The following DLC1 variants were observed in gnomAD, a reference collection of about 807,000 sequenced individuals.
The protein encoded by DLC1 is DLC1 Rho GTPase activating protein, also known as rho GTPase-activating protein 7.
Under a neutral mutation model 140.3 loss-of-function variants are expected in DLC1, and 54 were observed. The ratio of observed to expected loss-of-function variants is 0.38; its 90% CI spans 0.31 to 0.48. DLC1 has a LOEUF of 0.48. Ranked by LOEUF, DLC1 falls within the 20% of genes least tolerant of loss-of-function variation. The pLI is 0.96. For synonymous variants in DLC1, 986 were observed against 728.1 expected (o/e 1.35, Z -5.70); for missense variants, 2,536 against 1,907.0 (o/e 1.33, Z -6.14).
At chr8:13,585,590 G>A (rs1805275451) in intron 1 of DLC1, among the ~76,000 whole-genome samples, 1 of 152,154 alleles carries the variant, frequency 6.6e-6, no homozygotes, top group African/African-American at 2.4e-5. Context: ...TTGTCTCTGA[G>A]TTCCGAAGGC....
chr8:13,343,562 A>C (rs775721277), intron 4 of DLC1, among the ~76,000 whole-genome samples: 1 of 152,190 alleles, frequency 6.6e-6, no homozygotes, highest in Non-Finnish European at 1.5e-5. Flanking sequence ...TATGATTTTT[A>C]AACATGTTTG....
chr8:13,604,541 T>A (rs1325270537), exon 1 of DLC1: 1 of 152,192 alleles, frequency 6.6e-6, no homozygotes, highest in Non-Finnish European at 1.5e-5. Context: ...TTTTACCTGG[T>A]TAATCACATG....
chr8:13,596,818 A>G (rs1314779458), intron 1 of DLC1, among the ~76,000 whole-genome samples: 1 of 152,044 alleles, frequency 6.6e-6, no homozygotes, highest in Non-Finnish European at 1.5e-5. Flanking sequence ...TTCTTAGCAA[A>G]AACACTTGTC....
chr8:13,356,881 A>AT (rs1834964702), intron 4 of DLC1, among the ~76,000 whole-genome samples: 2 of 150,792 alleles, frequency 1.3e-5, no homozygotes, highest in Admixed American at 1.3e-4. Flanking sequence ...ATTTATTATT[A>AT]TTTTTTTACT....
intron 4 of DLC1, among the ~76,000 whole-genome samples, chr8:13,348,376 C>T (rs1404151751): frequency 1.3e-5 from 2 of 152,112 alleles, no homozygotes; most frequent in African/African-American, 4.8e-5. Flanking sequence ...ATGAGCCACA[C>T]ACAAGGTAAA....
At chr8:13,161,889 G>T (rs146979095) in intron 5 of DLC1, among the ~76,000 whole-genome samples, 1 of 152,110 alleles carries the variant, frequency 6.6e-6, no homozygotes, top group Non-Finnish European at 1.5e-5. Flanking sequence ...AGACATAAGG[G>T]ACAAAATATC....
intron 5 of DLC1, among the ~76,000 whole-genome samples, chr8:13,189,365 C>G (rs1826610592): frequency 6.6e-6 from 1 of 152,114 alleles, no homozygotes; most frequent in Non-Finnish European, 1.5e-5. Context: ...GTAATCCCAG[C>G]ACTTTGGAAG....
chr8:13,363,571 G>A (rs1393103053), intron 4 of DLC1, among the ~76,000 whole-genome samples: 1 of 151,908 alleles, frequency 6.6e-6, no homozygotes, highest in African/African-American at 2.4e-5. Context: ...GAGGTGAAGA[G>A]CAAATTATTG....
chr8:13,389,567 A>AT (rs1836662517), intron 4 of DLC1, among the ~76,000 whole-genome samples: 1 of 152,008 alleles, frequency 6.6e-6, no homozygotes, highest in Admixed American at 6.6e-5. Context: ...TTTAACTTTC[A>AT]TTTTTTTATG....
At chr8:13,400,886 T>C (rs1277116424) in intron 3 of DLC1, among the ~76,000 whole-genome samples, 1 of 152,200 alleles carries the variant, frequency 6.6e-6, no homozygotes, top group Admixed American at 6.5e-5. Context: ...AGTGTTGGAC[T>C]CTTAAGAGAG....
chr8:13,567,555 G>T, intron 1 of DLC1: 1 of 1,551,780 alleles, frequency 6.4e-7, no homozygotes, highest in East Asian at 2.4e-5. Flanking sequence ...CAAAACAGGA[G>T]GCAGCAGCTA....
chr8:13,484,021 A>C (rs1255707533), intron 2 of DLC1, among the ~76,000 whole-genome samples: 3 of 152,286 alleles, frequency 2.0e-5, no homozygotes, highest in Non-Finnish European at 4.4e-5. Flanking sequence ...CAGAGGTTGC[A>C]GTGAACCCAG....
At chr8:13,407,811 G>A (rs1837631729) in intron 2 of DLC1, among the ~76,000 whole-genome samples, 1 of 152,104 alleles carries the variant, frequency 6.6e-6, no homozygotes, top group African/African-American at 2.4e-5. Context: ...TGAAAGAAAG[G>A]GACCTTTTAG....
At chr8:13,208,054 TC>T (rs1173261292) in intron 5 of DLC1, among the ~76,000 whole-genome samples, 3 of 152,186 alleles carry the variant, frequency 2.0e-5, no homozygotes, top group African/African-American at 7.2e-5. Flanking sequence ...TGATTTAAAA[TC>T]CATCTTATGT....
intron 4 of DLC1, among the ~76,000 whole-genome samples, chr8:13,313,093 A>G (rs867892943): frequency 1.3e-5 from 2 of 152,178 alleles, no homozygotes; most frequent in Admixed American, 1.3e-4. Context: ...TTTCCTGGGC[A>G]TTACTAAGGC....
chr8:13,416,620 A>G (rs1838073319), intron 2 of DLC1, among the ~76,000 whole-genome samples: 1 of 152,212 alleles, frequency 6.6e-6, no homozygotes, highest in South Asian at 2.1e-4. Flanking sequence ...CCAAAATAGT[A>G]TAAACAAAAT....
At chr8:13,113,657 T>C (rs980758554) in intron 6 of DLC1, among the ~76,000 whole-genome samples, 6 of 152,228 alleles carry the variant, frequency 3.9e-5, no homozygotes, top group Admixed American at 3.9e-4. Flanking sequence ...TGTCTTTCCT[T>C]ATCTCCAGTA....
intron 5 of DLC1, among the ~76,000 whole-genome samples, chr8:13,158,432 C>T (rs375791521): frequency 1.1e-4 from 16 of 152,288 alleles, no homozygotes; most frequent in African/African-American, 3.6e-4. Context: ...TTCAATTGTA[C>T]CTTGACCCTA....
At chr8:13,180,301 C>T (rs1233125374) in intron 5 of DLC1, among the ~76,000 whole-genome samples, 10 of 152,046 alleles carry the variant, frequency 6.6e-5, no homozygotes, top group Admixed American at 6.6e-4. Flanking sequence ...CTCTCTTATC[C>T]ACTTGATCAT....
Sources: gnomAD v4.1 joint callset for allele counts (sites outside exome capture counted in the v4.1 genomes callset) on GRCh38, gnomAD v4.1.1 for gene constraint, MANE v1.5 for transcripts, NCBI Gene and HGNC (gene_info 2026-07-23, HGNC 2026-07-21) for gene names.